The following AVL9 variants were observed in gnomAD, a reference collection of about 807,000 sequenced individuals.
AVL9 encodes AVL9 cell migration associated.
Under a neutral mutation model 79.2 loss-of-function variants are expected in AVL9, and 49 were observed. The ratio of observed to expected loss-of-function variants is 0.62; its 90% CI spans 0.49 to 0.79. The LOEUF is 0.79. AVL9 is among the 30% of genes least tolerant of loss of function. AVL9 has a pLI of 0.00. For missense variants in AVL9, 682 were observed against 776.8 expected (o/e 0.88, Z 1.45); for synonymous variants, 299 against 280.6 (o/e 1.07, Z -0.65).
At chr7:32,495,896 T>G (rs1583469462) in intron 1 of AVL9, 94 bp downstream of exon 1, 3 of 804,028 alleles carry the variant, frequency 3.7e-6, no homozygotes, top group African/African-American at 3.6e-5. Flanking sequence ...GCTCGCGTCG[T>G]GCAGTCCTCC....
At position 32,586,307 on chromosome 7, in the gene AVL9, T is replaced by C. The variant is rs1791774807; in HGVS notation, c.*2400T>C. 6.6e-6 allele frequency: 1 copy of C among 152,192 alleles called. No individual in the cohort carries two copies. Among genetic ancestry groups the C allele is most frequent in the African/African-American group, 2.4e-5 (1 of 41,448 alleles). 9.4% of individuals were successfully genotyped at this position (152,192 alleles called of 1,614,324 possible). ...AAACAAGTATCTCAGAAGATACAAC[T>C]TTCATCATAGAAATGGTCAAAAGAC... On this transcript the variant is annotated 3_prime_UTR_variant, in exon 16 of 16. Transcript: ENST00000318709.
intron 4 of AVL9, 135 bp downstream of exon 4, chr7:32,549,053 T>A: frequency 2.1e-6 from 1 of 476,128 alleles, no homozygotes; most frequent in Non-Finnish European, 3.5e-6. Context: ...CTCCTCATTC[T>A]CTTTCCCTTT....
In AVL9 at chr7:32,573,175, GACTTGT is replaced by G; in HGVS notation, c.1351-21_1351-16del. Reference sequence around the variant, plus strand: ...ATGTCTGCGTGAATGCCCAGACTCTGACTTGTACCTGGATACCCTCTAGGTAGAAGA... The same window carrying G: ...ATGTCTGCGTGAATGCCCAGACTCTGACCTGGATACCCTCTAGGTAGAAGA... On this transcript the variant is annotated intron_variant, in intron 11 of 15. Transcript: ENST00000318709. 6.2e-7 allele frequency: 1 copy of G among 1,600,386 alleles called. No homozygotes were observed. Among genetic ancestry groups the G allele is most frequent in the Non-Finnish European group, 8.6e-7 (1 of 1,168,382 alleles).
At chr7:32,509,161 G>A (rs911517548) in intron 1 of AVL9, among the ~76,000 whole-genome samples, 2 of 152,148 alleles carry the variant, frequency 1.3e-5, no homozygotes, top group African/African-American at 4.8e-5. Flanking sequence ...CTAACTGAGA[G>A]GGAGGCTCAA....
At chr7:32,574,353 C>T (rs938584218) in intron 12 of AVL9, among the ~76,000 whole-genome samples, 7 of 152,030 alleles carry the variant, frequency 4.6e-5, no homozygotes, top group Non-Finnish European at 7.4e-5. Context: ...AACAAGCCCT[C>T]GTTTGTTAAT....
At chr7:32,573,711 C>T (rs1379461760) in intron 12 of AVL9, among the ~76,000 whole-genome samples, 1 of 152,138 alleles carries the variant, frequency 6.6e-6, no homozygotes, top group Non-Finnish European at 1.5e-5. Flanking sequence ...ATAGAAACAA[C>T]ACATACCAAC....
chr7:32,563,545 A>G (rs79037724), intron 10 of AVL9, among the ~76,000 whole-genome samples: 4,465 of 149,218 alleles, frequency 0.03, 216 homozygotes, highest in African/African-American at 0.1. Context: ...ACCATACTAG[A>G]TTCTGAATTC....
At chr7:32,533,446 A>G (rs1264533485) in intron 1 of AVL9, 2 of 152,258 alleles carry the variant, frequency 1.3e-5, no homozygotes, top group Non-Finnish European at 2.9e-5. Context: ...ATAGGAGTGT[A>G]AAGCGCAGCT....
intron 10 of AVL9, among the ~76,000 whole-genome samples, chr7:32,562,943 TAA>T (rs1350160037): frequency 6.6e-6 from 1 of 152,132 alleles, no homozygotes. Flanking sequence ...TAAAAATAAA[TAA>T]AGTTACACTG....
chr7:32,551,544 A>G, intron 5 of AVL9, 121 bp downstream of exon 5: 1 of 470,458 alleles, frequency 2.1e-6, no homozygotes. Context: ...TAATGTGAAA[A>G]CGCATTTGCA....
Position 32,582,536 on chromosome 7 carries a change from A to C in AVL9, c.1832-1256A>C, listed in dbSNP as rs1583616362. Among the ~76,000 whole-genome samples the C allele has an allele frequency of 2.6e-5, 4 of 152,310 alleles. No homozygotes were observed. In the East Asian group the frequency reaches 7.7e-4, roughly 29 times the overall value. On this transcript the variant is annotated intron_variant, in intron 15 of 15. Transcript: ENST00000318709. Reference sequence around the variant, plus strand: ...TATTTTTTAATAGAAAAACTATGCTATATTATAGATTATTATAGATACATC... The same window carrying C: ...TATTTTTTAATAGAAAAACTATGCTCTATTATAGATTATTATAGATACATC...
chr7:32,564,878 T>G (rs1186388619), intron 10 of AVL9, among the ~76,000 whole-genome samples: 1 of 152,186 alleles, frequency 6.6e-6, no homozygotes, highest in Non-Finnish European at 1.5e-5. Context: ...GAGGATGATT[T>G]GTGCCTGTGT....
intron 11 of AVL9, among the ~76,000 whole-genome samples, chr7:32,571,286 T>C (rs2128149105): frequency 6.8e-6 from 1 of 146,382 alleles, no homozygotes; most frequent in African/African-American, 2.6e-5. Context: ...TCCCAGCACT[T>C]TGGGAGGCTG....
intron 1 of AVL9, among the ~76,000 whole-genome samples, chr7:32,541,103 G>A (rs903097469): frequency 3.3e-5 from 5 of 151,400 alleles, no homozygotes; most frequent in Non-Finnish European, 7.4e-5. Context: ...GGGTTTCACC[G>A]TTTTAGCCGG....
Position 32,583,915 on chromosome 7 carries a change from G to A in AVL9, c.*8G>A, listed in dbSNP as rs536084075. The A allele has an allele frequency of 1.7e-5, 27 of 1,597,294 alleles. No individual in the cohort carries two copies. Among genetic ancestry groups the A allele is most frequent in the Middle Eastern group, 3.3e-4 (2 of 6,030 alleles). On this transcript the variant is annotated 3_prime_UTR_variant, in exon 16 of 16. Transcript: ENST00000318709. ...CCAGATGAGAAGCCTTGAGCAAGGC[G>A]TCAGAGGCTGCTATTGCTTTCTGAG...
In AVL9 at chr7:32,586,194, T is replaced by C. The variant is rs553888759; in HGVS notation, c.*2287T>C. 4.6e-5 allele frequency: 7 copies of C among 152,358 alleles called. No individual in the cohort carries two copies. Among genetic ancestry groups the C allele is most frequent in the Non-Finnish European group, 7.3e-5 (5 of 68,040 alleles). The allele number at this position is 152,358 out of a possible 1,614,324, so 9.4% of individuals were successfully genotyped here. On this transcript the variant is annotated 3_prime_UTR_variant, in exon 16 of 16. Transcript: ENST00000318709. ...TTGCTTTAATATCACTTGTTCCTCA[T>C]TGAATATACACTTTGATCGGACTTT...
chr7:32,523,365 C>T (rs142261509), intron 1 of AVL9, among the ~76,000 whole-genome samples: 102 of 151,876 alleles, frequency 6.7e-4, no homozygotes, highest in African/African-American at 2.3e-3. Flanking sequence ...TAAAAATTAA[C>T]AAAAGAGCCT....
At chr7:32,548,213 T>G (rs1264195063) in intron 3 of AVL9, among the ~76,000 whole-genome samples, 1 of 146,892 alleles carries the variant, frequency 6.8e-6, no homozygotes, top group Non-Finnish European at 1.5e-5. Context: ...AGTGGCGTGA[T>G]CTCAGCTCAC....
At chr7:32,575,893 A>T in intron 12 of AVL9, 62 bp from the exon 13 acceptor site, 2 of 1,210,932 alleles carry the variant, frequency 1.7e-6, no homozygotes, top group Non-Finnish European at 2.4e-6. Context: ...TTTTGGTTAT[A>T]ATCTTCACAT....
Sources: allele counts gnomAD v4.1 joint callset (sites outside exome capture counted in the v4.1 genomes callset), GRCh38; gene constraint gnomAD v4.1.1; transcripts MANE v1.5; gene names NCBI Gene and HGNC (gene_info 2026-07-23, HGNC 2026-07-21).